Variants in LIPH observed in about 807,000 individuals in gnomAD.
The protein encoded by LIPH is lipase H.
Under a neutral mutation model 47.6 loss-of-function variants are expected in LIPH, and 32 were observed. The ratio of observed to expected loss-of-function variants is 0.67; its 90% CI spans 0.51 to 0.90. The LOEUF is 0.90. Ranked by LOEUF, LIPH falls within the 40% of genes least tolerant of loss-of-function variation. The pLI, the probability that LIPH is intolerant of heterozygous loss-of-function variation, is 0.00. For missense variants in LIPH, 497 were observed against 541.4 expected (o/e 0.92, Z 0.81); for synonymous variants, 190 against 195.6 (o/e 0.97, Z 0.24).
chr3:185,518,667 AG>A (rs1159413098), intron 6 of LIPH, among the ~76,000 whole-genome samples: 1 of 151,996 alleles, frequency 6.6e-6, no homozygotes, highest in Non-Finnish European at 1.5e-5. Flanking sequence ...AGAAAAAAAA[AG>A]TCTATTTTTA....
chr3:185,519,240 C>A lies in LIPH; in HGVS notation c.788G>T (p.Cys263Phe), dbSNP rs1719826386. 2 of 1,612,044 alleles carry A rather than the reference C, an allele frequency of 1.2e-6. No homozygotes were observed. The highest frequency in any genetic ancestry group is 1.7e-6 in the Non-Finnish European group (2 of 1,178,276). Residue 263 changes from cysteine to phenylalanine, a missense_variant, in exon 6 of 10, where the codon TGC becomes TTC. Cys to Phe is a radical substitution (Grantham distance 205). Transcript: ENST00000296252. The stretch of plus-strand genomic sequence containing the variant: ...GTCACAGGGATACGCAGTGATGGTG[C>A]AGCTCTCTCTCAGGGAAGACAGGTA... ...YLYLSSLRESCTITAYPCDSY... is the reference protein window; with the variant it reads ...YLYLSSLRESFTITAYPCDSY...
intron 3 of LIPH, among the ~76,000 whole-genome samples, chr3:185,529,456 G>C (rs1027859431): frequency 3.4e-4 from 49 of 146,240 alleles, no homozygotes; most frequent in African/African-American, 1.0e-3. Flanking sequence ...GGGGAGGAGA[G>C]CCGGTTGTAG....
intron 3 of LIPH, among the ~76,000 whole-genome samples, chr3:185,529,976 A>AAGAAAG (rs796155621): frequency 0.018 from 1,880 of 104,810 alleles, 53 homozygotes; most frequent in Non-Finnish European, 0.025. Context: ...GAAAGAAAGA[A>AAGAAAG]AGAGAGAGAG....
chr3:185,533,949 C>T (rs920368166), intron 2 of LIPH, among the ~76,000 whole-genome samples: 11 of 152,208 alleles, frequency 7.2e-5, no homozygotes, highest in Non-Finnish European at 1.3e-4. Flanking sequence ...GTCTGCTGGG[C>T]CCAGTGGCCC....
At chr3:185,516,745 T>C (rs906259342) in intron 7 of LIPH, among the ~76,000 whole-genome samples, 7 of 152,190 alleles carry the variant, frequency 4.6e-5, no homozygotes, top group African/African-American at 1.7e-4. Context: ...GGTCATCCAG[T>C]GAAACTAACA....
rs920048070 is a variant in LIPH, at chr3:185,533,602, C to G, written c.495G>C (p.Glu165Asp). The G allele has an allele frequency of 6.2e-7, 1 of 1,613,830 alleles. No individual in the cohort carries two copies. The highest frequency in any genetic ancestry group is 8.5e-7 in the Non-Finnish European group (1 of 1,179,750). The part of the protein sequence containing the change: ...LGAHISGFVG[E>D]MYDGWLGRIT... Reference sequence around the variant, plus strand: ...TTCTCCCCAGCCATCCATCGTACATCTCTCCAACAAACCCAGATATGTGGG... The same window carrying G: ...TTCTCCCCAGCCATCCATCGTACATGTCTCCAACAAACCCAGATATGTGGG... Residue 165 changes from glutamate to aspartate, a missense_variant, in exon 3 of 10, where the codon GAG becomes GAC. Physicochemically the swap from Glu to Asp is conservative, Grantham distance 45. Transcript: ENST00000296252.
rs377748532 is a variant in LIPH, at chr3:185,551,829, A to G, written c.49+594T>C. Among the ~76,000 whole-genome samples the G allele has an allele frequency of 1.1e-4, 16 of 152,100 alleles. No homozygotes were observed. The East Asian group carries it at 2.5e-3, about 24-fold the overall frequency. The stretch of plus-strand genomic sequence containing the variant: ...TGAATTTTATTTTTTTAAGCATTTC[A>G]CTTTATTTTTGTTACATTATCTGGT... On this transcript the variant is annotated intron_variant, in intron 1 of 9. Transcript: ENST00000296252.
At chr3:185,512,017 G>A (rs1719582572) in intron 8 of LIPH, among the ~76,000 whole-genome samples, 1 of 151,938 alleles carries the variant, frequency 6.6e-6, no homozygotes, top group South Asian at 2.1e-4. Flanking sequence ...CTTGTCTCTC[G>A]ACTCATCTCT....
chr3:185,510,091 T>A (rs151066270), intron 9 of LIPH, among the ~76,000 whole-genome samples: 2 of 151,716 alleles, frequency 1.3e-5, no homozygotes, highest in Non-Finnish European at 2.9e-5. Flanking sequence ...GGATTACAGG[T>A]GCACACCACC....
At chr3:185,515,665 C>T (rs557597560) in intron 7 of LIPH, among the ~76,000 whole-genome samples, 82 of 152,228 alleles carry the variant, frequency 5.4e-4, no homozygotes, top group South Asian at 3.9e-3. Flanking sequence ...AGCACCACCA[C>T]GCCCAGCTAA....
intron 1 of LIPH, among the ~76,000 whole-genome samples, chr3:185,547,432 C>A (rs1434891497): frequency 2.0e-5 from 3 of 152,176 alleles, no homozygotes; most frequent in Non-Finnish European, 4.4e-5. Context: ...CCCTCCACCC[C>A]ATCCCCAAAC....
At chr3:185,542,844 A>G (rs897702407) in intron 1 of LIPH, among the ~76,000 whole-genome samples, 1 of 152,210 alleles carries the variant, frequency 6.6e-6, no homozygotes, top group African/African-American at 2.4e-5. Context: ...TGAGGCCATT[A>G]TCTTAAGTGA....
Position 185,544,503 on chromosome 3 carries a change from C to T in LIPH, c.49+7920G>A, listed in dbSNP as rs370440472. On this transcript the variant is annotated intron_variant, in intron 1 of 9. Coordinates refer to ENST00000296252, the MANE Select transcript of LIPH (RefSeq NM_139248.3). ...CCAAGTAGCTAGGATTACAGGCGCC[C>T]ACCACCACACCTGGCTAATTTTTGT... Among the ~76,000 whole-genome samples the T allele has an allele frequency of 3.9e-5, 6 of 151,950 alleles. No homozygotes were observed. In the East Asian group the frequency reaches 1.2e-3, roughly 29 times the overall value.
chr3:185,521,033 C>G (rs1350684357), intron 5 of LIPH, among the ~76,000 whole-genome samples: 1 of 151,934 alleles, frequency 6.6e-6, no homozygotes, highest in Non-Finnish European at 1.5e-5. Flanking sequence ...CCACTTCCGG[C>G]TAATTTTGTA....
At chr3:185,539,465 G>C (rs1259263556) in intron 1 of LIPH, among the ~76,000 whole-genome samples, 2 of 151,624 alleles carry the variant, frequency 1.3e-5, no homozygotes, top group Non-Finnish European at 2.9e-5. Context: ...GGCCCCCCCG[G>C]GTTCAAGCGA....
At chr3:185,551,795 G>A (rs1721056364) in intron 1 of LIPH, among the ~76,000 whole-genome samples, 1 of 152,064 alleles carries the variant, frequency 6.6e-6, no homozygotes, top group Admixed American at 6.5e-5. Flanking sequence ...TAAAAAGGTT[G>A]CAAAGTGTTG....
intron 4 of LIPH, 71 bp downstream of exon 4, chr3:185,527,413 A>C: frequency 9.5e-7 from 1 of 1,053,294 alleles, no homozygotes; most frequent in Non-Finnish European, 1.5e-6. Context: ...CTCCTACATG[A>C]TTATCTCTCC....
chr3:185,511,504 A>C lies in LIPH; in HGVS notation c.1268+20T>G. 6.2e-7 allele frequency: 1 copy of C among 1,613,582 alleles called. No individual in the cohort carries two copies. Among genetic ancestry groups the C allele is most frequent in the African/African-American group, 1.3e-5 (1 of 75,040 alleles). ...CATCTTTGGAAAACAGCGTTTTGTC[A>C]AACCGTACCCTCAGCTCACCTCTCC... On this transcript the variant is annotated intron_variant, in intron 9 of 9. Transcript: ENST00000296252.
At chr3:185,527,376 A>G in intron 4 of LIPH, 108 bp downstream of exon 4, 1 of 862,408 alleles carries the variant, frequency 1.2e-6, no homozygotes, top group Non-Finnish European at 2.0e-6. Context: ...TGGAAAAAAA[A>G]GTTAGAATCT....
Sources: allele counts gnomAD v4.1 joint callset (sites outside exome capture counted in the v4.1 genomes callset), GRCh38; gene constraint gnomAD v4.1.1; transcripts MANE v1.5; gene names NCBI Gene and HGNC (gene_info 2026-07-23, HGNC 2026-07-21).